The following EHBP1 variants were observed in gnomAD, a reference collection of about 807,000 sequenced individuals.
The protein encoded by EHBP1 is EH domain binding protein 1.
In EHBP1, 55 loss-of-function variants were observed where a neutral mutation model predicts 144.0. The observed-to-expected ratio is 0.38, with a 90% CI of 0.31 to 0.48. The LOEUF (loss-of-function observed/expected upper bound fraction) is 0.48. EHBP1 is among the 20% of genes least tolerant of loss of function. EHBP1 has a pLI of 0.98. For missense variants in EHBP1, 1,200 were observed against 1,364.2 expected (o/e 0.88, Z 1.90); for synonymous variants, 469 against 472.7 (o/e 0.99, Z 0.10).
intron 3 of EHBP1, among the ~76,000 whole-genome samples, chr2:62,749,284 C>T (rs1223406488): frequency 6.6e-6 from 1 of 152,106 alleles, no homozygotes; most frequent in East Asian, 1.9e-4. Context: ...TGGTTTCCAG[C>T]TTCATCCATG....
intron 2 of EHBP1, among the ~76,000 whole-genome samples, chr2:62,721,927 AT>A (rs780600245): frequency 1.3e-5 from 2 of 152,154 alleles, no homozygotes; most frequent in East Asian, 3.9e-4. Flanking sequence ...TTTCAGACTT[AT>A]AGAAAAGTTG....
chr2:63,019,824 G>A (rs1256924674), intron 19 of EHBP1, among the ~76,000 whole-genome samples: 1 of 62,898 alleles, frequency 1.6e-5, no homozygotes, highest in Non-Finnish European at 3.6e-5. Flanking sequence ...GAAGGGAAGA[G>A]GGGGAGGGAA....
At chr2:62,733,504 G>T (rs1322690386) in intron 2 of EHBP1, among the ~76,000 whole-genome samples, 2 of 152,168 alleles carry the variant, frequency 1.3e-5, no homozygotes, top group Non-Finnish European at 1.5e-5. Flanking sequence ...TTTAGTGATT[G>T]TGTTTTTTGG....
chr2:62,760,504 T>C (rs2040682852), intron 3 of EHBP1, among the ~76,000 whole-genome samples: 1 of 152,198 alleles, frequency 6.6e-6, no homozygotes, highest in African/African-American at 2.4e-5. Context: ...TGTATTTTTG[T>C]TTGTTCAGCA....
chr2:62,996,807 G>A (rs1469459657), intron 19 of EHBP1, 41 bp downstream of exon 19: 1 of 1,599,184 alleles, frequency 6.3e-7, no homozygotes, highest in South Asian at 1.1e-5. Context: ...TTGGCAAATT[G>A]AGCGTTCACA....
At chr2:62,733,789 A>G (rs2037845464) in intron 2 of EHBP1, among the ~76,000 whole-genome samples, 1 of 152,218 alleles carries the variant, frequency 6.6e-6, no homozygotes, top group African/African-American at 2.4e-5. Flanking sequence ...GTGGCCTCCC[A>G]AGACTGATCT....
chr2:62,826,422 T>C lies in EHBP1; in HGVS notation c.494+154T>C, dbSNP rs555157999. 37 of 579,368 alleles carry C rather than the reference T, an allele frequency of 6.4e-5. No individual in the cohort carries two copies. In the South Asian group the frequency reaches 1.2e-3, roughly 19 times the overall value. The allele number at this position is 579,368 out of a possible 1,614,324, so 35.9% of individuals were successfully genotyped here. A position where few individuals can be genotyped will look rare whatever the true frequency, so the allele number is the denominator to read the frequency against. On this transcript the variant is annotated intron_variant, in intron 6 of 22. Coordinates refer to ENST00000431489, the MANE Select transcript of EHBP1 (RefSeq NM_001142616.3). ...AGGCTGAATTAAGGGAACTCCTTGT[T>C]ACTTATAAATAGTCTCTTTTGACTC...
At chr2:62,716,748 C>A (rs1450697650) in intron 2 of EHBP1, among the ~76,000 whole-genome samples, 1 of 152,182 alleles carries the variant, frequency 6.6e-6, no homozygotes, top group Non-Finnish European at 1.5e-5. Flanking sequence ...AGGAAGCAAT[C>A]TGGAAGGTCT....
At chr2:62,852,844 TTAGC>T (rs1477633955) in intron 7 of EHBP1, among the ~76,000 whole-genome samples, 1 of 152,104 alleles carries the variant, frequency 6.6e-6, no homozygotes, top group Non-Finnish European at 1.5e-5. Flanking sequence ...TACTGAGAAA[TTAGC>T]TAGGTTACCT....
At chr2:62,864,349 C>T (rs1042254345) in intron 8 of EHBP1, among the ~76,000 whole-genome samples, 7 of 152,040 alleles carry the variant, frequency 4.6e-5, no homozygotes, top group Admixed American at 6.5e-5. Context: ...TATTATGTAT[C>T]GGTTTGTAAT....
intron 5 of EHBP1, among the ~76,000 whole-genome samples, chr2:62,820,023 C>A (rs966503598): frequency 2.6e-5 from 4 of 151,692 alleles, no homozygotes; most frequent in African/African-American, 9.7e-5. Flanking sequence ...CCAGCCTGGC[C>A]AACATGGTGA....
chr2:62,979,442 C>A (rs2058862215), intron 15 of EHBP1, 107 bp downstream of exon 15: 3 of 1,206,278 alleles, frequency 2.5e-6, no homozygotes, highest in Non-Finnish European at 3.4e-6. Flanking sequence ...AAATATAAAG[C>A]TTCTAACCTA....
At chr2:62,895,234 C>T (rs990585004) in intron 10 of EHBP1, among the ~76,000 whole-genome samples, 5 of 152,034 alleles carry the variant, frequency 3.3e-5, no homozygotes, top group African/African-American at 1.2e-4. Context: ...TCAAAACTTG[C>T]ATAACTGCAC....
chr2:62,805,035 C>A (rs574252432), intron 5 of EHBP1, among the ~76,000 whole-genome samples: 2 of 152,252 alleles, frequency 1.3e-5, no homozygotes, highest in Non-Finnish European at 2.9e-5. Flanking sequence ...GACAGCTGTT[C>A]TAGAGGACAA....
intron 18 of EHBP1, among the ~76,000 whole-genome samples, chr2:62,995,387 G>A (rs1018516289): frequency 5.3e-5 from 8 of 151,908 alleles, no homozygotes; most frequent in African/African-American, 1.9e-4. Context: ...TCACATATGA[G>A]TACAAATTAC....
intron 17 of EHBP1, 78 bp downstream of exon 17, chr2:62,993,746 G>GTA (rs1287447003): frequency 2.7e-4 from 175 of 648,036 alleles, no homozygotes; most frequent in East Asian, 6.3e-4. Context: ...TATATATATA[G>GTA]TATATATATA....
At chr2:62,921,484 A>G (rs1314530514) in intron 10 of EHBP1, among the ~76,000 whole-genome samples, 1 of 152,044 alleles carries the variant, frequency 6.6e-6, no homozygotes, top group Non-Finnish European at 1.5e-5. Context: ...TGATAACCAC[A>G]AAGAAAATAA....
intron 15 of EHBP1, among the ~76,000 whole-genome samples, chr2:62,981,560 T>A (rs973880425): frequency 1.3e-5 from 2 of 152,186 alleles, no homozygotes; most frequent in Non-Finnish European, 2.9e-5. Context: ...TGATATGGGA[T>A]GTGTCAGCTA....
intron 14 of EHBP1, among the ~76,000 whole-genome samples, chr2:62,957,640 G>GTTTTTTT (rs771682026): frequency 4.3e-5 from 3 of 69,702 alleles, no homozygotes; most frequent in African/African-American, 1.5e-4. Context: ...GAAAATAAAT[G>GTTTTTTT]CTTTTTTTTT....
Sources: gnomAD v4.1 joint callset for allele counts (sites outside exome capture counted in the v4.1 genomes callset) on GRCh38, gnomAD v4.1.1 for gene constraint, MANE v1.5 for transcripts, NCBI Gene and HGNC (gene_info 2026-07-23, HGNC 2026-07-21) for gene names.